The following SGK3 variants were observed in gnomAD, a reference collection of about 807,000 sequenced individuals.
SGK3 encodes serine/threonine-protein kinase Sgk3.
SGK3 carries 47 observed loss-of-function variants against 68.5 expected under a neutral mutation model. That is an observed-to-expected ratio of 0.69 (90% CI 0.54 to 0.87). The LOEUF (loss-of-function observed/expected upper bound fraction) is 0.87. Ranked by LOEUF, SGK3 falls within the 40% of genes least tolerant of loss-of-function variation. The pLI is 0.00. For missense variants in SGK3, 479 were observed against 575.5 expected, an observed-to-expected ratio of 0.83 and a Z score of 1.72; for synonymous variants, 181 against 189.1, an observed-to-expected ratio of 0.96 and a Z score of 0.35.
At chr8:66,723,673 G>A (rs888804687) in intron 1 of SGK3, among the ~76,000 whole-genome samples, 3 of 152,052 alleles carry the variant, frequency 2.0e-5, no homozygotes, top group Non-Finnish European at 2.9e-5. Context: ...TCAAACTCCT[G>A]GGCTCAAGTG....
chr8:66,810,897 C>T (rs1299196890), intron 4 of SGK3, among the ~76,000 whole-genome samples: 1 of 152,118 alleles, frequency 6.6e-6, no homozygotes, highest in Non-Finnish European at 1.5e-5. Flanking sequence ...CTATAAGATA[C>T]ATCTTACATA....
intron 1 of SGK3, among the ~76,000 whole-genome samples, chr8:66,776,313 A>G (rs1406742308): frequency 6.6e-6 from 1 of 152,222 alleles, no homozygotes; most frequent in Non-Finnish European, 1.5e-5. Flanking sequence ...TTTAAGGTGA[A>G]TGTAGCCTCA....
chr8:66,789,787 G>A (rs967116704), intron 1 of SGK3, among the ~76,000 whole-genome samples: 1 of 152,156 alleles, frequency 6.6e-6, no homozygotes, highest in African/African-American at 2.4e-5. Flanking sequence ...CGTTTAAAGG[G>A]TCACAATATG....
At chr8:66,724,645 C>A in intron 1 of SGK3, among the ~76,000 whole-genome samples, 1 of 152,062 alleles carries the variant, frequency 6.6e-6, no homozygotes, top group East Asian at 1.9e-4. Context: ...AGTCTTTGTC[C>A]CACTGAAATT....
chr8:66,854,728 GT>G (rs1456784374), intron 16 of SGK3, among the ~76,000 whole-genome samples: 2 of 152,226 alleles, frequency 1.3e-5, no homozygotes, highest in East Asian at 3.8e-4. Context: ...ACATATTTAT[GT>G]TATACATTTC....
chr8:66,827,452 TTA>T (rs1420438803), intron 6 of SGK3, among the ~76,000 whole-genome samples: 1 of 151,466 alleles, frequency 6.6e-6, no homozygotes, highest in Non-Finnish European at 1.5e-5. Flanking sequence ...TTTTTTATAT[TTA>T]TAGCTTATAT....
intron 1 of SGK3, chr8:66,790,825 T>C (rs1807419765): frequency 6.8e-6 from 1 of 147,282 alleles, no homozygotes. Context: ...TGTGACACCA[T>C]GCACAGGTAG....
chr8:66,768,660 G>T (rs1479396084), intron 1 of SGK3, among the ~76,000 whole-genome samples: 1 of 152,070 alleles, frequency 6.6e-6, no homozygotes, highest in Non-Finnish European at 1.5e-5. Context: ...TGCCCCCCAG[G>T]TTCAAGTGAT....
chr8:66,831,189 GA>G, intron 7 of SGK3, 64 bp from the exon 8 acceptor site: 2 of 1,582,698 alleles, frequency 1.3e-6, no homozygotes, highest in Non-Finnish European at 1.7e-6. Context: ...GAGGTGCTAA[GA>G]AATGTTTAAA....
chr8:66,758,036 A>ACACACACC (rs1448552273), intron 1 of SGK3, among the ~76,000 whole-genome samples: 1 of 146,952 alleles, frequency 6.8e-6, no homozygotes, highest in African/African-American at 2.5e-5. Context: ...ACACACACAC[A>ACACACACC]CCCTTTACAT....
In SGK3 at chr8:66,828,697, A is replaced by T. The variant is rs1220517641; in HGVS notation, c.461A>T (p.Asn154Ile). The T allele has an allele frequency of 6.2e-7, 1 of 1,613,936 alleles. No homozygotes were observed. Among genetic ancestry groups the T allele is most frequent in the Non-Finnish European group, 8.5e-7 (1 of 1,180,010 alleles). ...AACATCAACCTGGGACCGTCTGGAA[A>T]TCCTCAGTATGTTTAATTTGCTTCA... is the stretch of plus-strand genomic sequence containing the variant. ...SQNINLGPSG[N>I]PHAKPTDFDF... Residue 154 changes from asparagine to isoleucine, a missense_variant, in exon 7 of 17, where the codon AAT becomes ATT. Physicochemically the swap from Asn to Ile is moderately radical, Grantham distance 149 (BLOSUM62 -3). Transcript: ENST00000521198.
intron 5 of SGK3, among the ~76,000 whole-genome samples, chr8:66,821,187 T>C (rs1006740124): frequency 1.3e-5 from 2 of 152,132 alleles, no homozygotes; most frequent in Admixed American, 6.5e-5. Context: ...TCCGTTTTTT[T>C]CTCTTCATCC....
intron 2 of SGK3, among the ~76,000 whole-genome samples, chr8:66,797,370 C>T (rs1255122147): frequency 6.6e-6 from 1 of 152,104 alleles, no homozygotes; most frequent in East Asian, 1.9e-4. Flanking sequence ...AGGTTTTTTG[C>T]CCTCTACTTC....
chr8:66,819,913 G>A (rs763284675), intron 5 of SGK3, among the ~76,000 whole-genome samples: 3 of 151,966 alleles, frequency 2.0e-5, no homozygotes, highest in Non-Finnish European at 4.4e-5. Context: ...CGCCTCCTGG[G>A]TTCAAGAGAT....
intron 1 of SGK3, among the ~76,000 whole-genome samples, chr8:66,766,608 C>T (rs1418160852): frequency 6.6e-6 from 1 of 152,116 alleles, no homozygotes; most frequent in Non-Finnish European, 1.5e-5. Flanking sequence ...GATTTTCTCT[C>T]TACTTGTGTT....
rs373626095 is a variant in SGK3 at position 66,793,871 on chromosome 8, A to T, written c.96+39A>T. On this transcript the variant is annotated intron_variant, in intron 2 of 16. Coordinates refer to ENST00000521198, the MANE Select transcript of SGK3 (RefSeq NM_001033578.3). ...ATAAAGCATGTGGGAAAAAAGTTGA[A>T]TGTAGAGAATATTTTCATTTCTGCT... 4.0e-5 allele frequency: 64 copies of T among 1,589,268 alleles called. No homozygotes were observed. The African/African-American group carries it at 8.2e-4, about 20-fold the overall frequency.
At chr8:66,746,056 A>C (rs1282984363) in intron 1 of SGK3, among the ~76,000 whole-genome samples, 2 of 152,196 alleles carry the variant, frequency 1.3e-5, no homozygotes, top group Non-Finnish European at 2.9e-5. Context: ...ACCACCATAG[A>C]TTATAGCAGC....
rs142667744 is a variant in SGK3, at chr8:66,861,109, A to G, written c.*1528A>G. On this transcript the variant is annotated 3_prime_UTR_variant, in exon 17 of 17. Transcript: ENST00000521198. ...CTGCACTTTTCAGCCTGGGTGCCAC[A>G]GCGAGACCCTAGTTAAGAGAAAAAA... 2.0e-5 allele frequency: 3 copies of G among 152,332 alleles called. No homozygotes were observed. The highest frequency in any genetic ancestry group is 7.2e-5 in the African/African-American group (3 of 41,582). 9.4% of individuals were successfully genotyped at this position (152,332 alleles called of 1,614,324 possible).
chr8:66,811,631 C>T (rs1808386311), intron 4 of SGK3, among the ~76,000 whole-genome samples: 2 of 152,110 alleles, frequency 1.3e-5, no homozygotes, highest in South Asian at 2.1e-4. Context: ...AAATGGCAAG[C>T]CTAGAAACAC....
Sources: allele counts gnomAD v4.1 joint callset (sites outside exome capture counted in the v4.1 genomes callset), GRCh38; gene constraint gnomAD v4.1.1; transcripts MANE v1.5; gene names NCBI Gene and HGNC (gene_info 2026-07-23, HGNC 2026-07-21).